The following CACHD1 variants were observed in gnomAD, a reference collection of about 807,000 sequenced individuals.
CACHD1 encodes the protein cache domain containing 1.
In CACHD1, 71 loss-of-function variants were observed where a neutral mutation model predicts 138.7. The observed-to-expected ratio is 0.51, with a 90% CI of 0.42 to 0.62. CACHD1 has a LOEUF of 0.62. Among genes scored for constraint, CACHD1 ranks in the 20% least tolerant of loss-of-function variants. The probability of loss-of-function intolerance (pLI) is 0.00; values close to 1 mark genes in which losing one functional copy is unlikely to be tolerated. For missense variants in CACHD1, 1,389 were observed against 1,625.3 expected (o/e 0.85, Z 2.50); for synonymous variants, 578 against 591.5 (o/e 0.98, Z 0.33).
intron 3 of CACHD1, among the ~76,000 whole-genome samples, chr1:64,587,824 A>G (rs1647062939): frequency 1.3e-5 from 2 of 152,322 alleles, no homozygotes; most frequent in South Asian, 4.2e-4. Context: ...ATGCATAATT[A>G]CACCTATGGA....
At chr1:64,666,004 C>CA (rs1649619640) in intron 15 of CACHD1, 53 bp from the exon 16 acceptor site, 115 of 1,115,496 alleles carry the variant, frequency 1.0e-4, no homozygotes, top group Non-Finnish European at 1.2e-4. Flanking sequence ...GACTCCATCT[C>CA]AAAAAAAATA....
intron 1 of CACHD1, among the ~76,000 whole-genome samples, chr1:64,500,734 A>AAG (rs5774705): frequency 3.5e-3 from 93 of 26,468 alleles, no homozygotes; most frequent in Middle Eastern, 0.019. Context: ...AAAAAAAAAA[A>AAG]AGAGAGAGAG....
intron 14 of CACHD1, 170 bp from the exon 15 acceptor site, chr1:64,664,327 CA>C (rs1649554056): frequency 1.6e-6 from 1 of 620,634 alleles, no homozygotes; most frequent in Non-Finnish European, 2.8e-6. Context: ...TGTATTTCTG[CA>C]AGCTTTTATT....
At chr1:64,480,413 C>T (rs151336929) in intron 1 of CACHD1, among the ~76,000 whole-genome samples, 13 of 151,626 alleles carry the variant, frequency 8.6e-5, no homozygotes, top group African/African-American at 2.7e-4. Flanking sequence ...AAAAAGAAAA[C>T]TTGACATAGT....
At chr1:64,617,521 A>G (rs185570417) in intron 4 of CACHD1, among the ~76,000 whole-genome samples, 197 of 152,304 alleles carry the variant, frequency 1.3e-3, no homozygotes, top group Non-Finnish European at 2.4e-3. Flanking sequence ...ACAAAGAGCT[A>G]TGAGCTCAGA....
At chr1:64,532,608 G>C (rs908070248) in intron 1 of CACHD1, among the ~76,000 whole-genome samples, 3 of 152,086 alleles carry the variant, frequency 2.0e-5, no homozygotes, top group Non-Finnish European at 4.4e-5. Flanking sequence ...TGAGGGGTGG[G>C]GAAAGAAAAG....
rs746053676 is a variant in CACHD1 at position 64,677,031 on chromosome 1, G to T, written c.3092+20G>T. On this transcript the variant is annotated intron_variant, in intron 22 of 26. Transcript: ENST00000651257. The stretch of plus-strand genomic sequence containing the variant: ...AAGTGGGTAAGCAGAATCTAGTAAA[G>T]AATTGAGGTTTTCCAGCTAATATTT... 1.3e-6 allele frequency: 2 copies of T among 1,555,048 alleles called. No homozygotes were observed. The highest frequency in any genetic ancestry group is 4.5e-5 in the East Asian group (2 of 44,446).
Position 64,470,973 on chromosome 1 carries a change from C to T in CACHD1, c.198+31C>T. 1 of 1,555,408 alleles carries T rather than the reference C, an allele frequency of 6.4e-7. No individual in the cohort carries two copies. The highest frequency in any genetic ancestry group is 2.3e-5 in the East Asian group (1 of 42,570). The stretch of plus-strand genomic sequence containing the variant: ...TGGCCCCCGAGCTGGCCAGACATCC[C>T]GCCTTTCTCCTTTGCTCAAACTCCC... On this transcript the variant is annotated intron_variant, in intron 1 of 26. Coordinates refer to ENST00000651257, the MANE Select transcript of CACHD1 (RefSeq NM_020925.4). The surrounding 1 kb of genome is among the most constrained non-coding windows in gnomAD (Gnocchi z 5.2).
intron 1 of CACHD1, among the ~76,000 whole-genome samples, 191 bp downstream of exon 1, chr1:64,471,133 G>A (rs1216720210): frequency 1.3e-5 from 2 of 152,060 alleles, no homozygotes; most frequent in Admixed American, 1.3e-4. Flanking sequence ...CCATGCATTC[G>A]TCTACCCCTG....
intron 2 of CACHD1, among the ~76,000 whole-genome samples, chr1:64,552,001 T>C (rs1227427901): frequency 6.6e-6 from 1 of 152,222 alleles, no homozygotes; most frequent in African/African-American, 2.4e-5. Flanking sequence ...CGAAGATTTC[T>C]GAACGAAGCA....
At chr1:64,487,337 C>G (rs1646249442) in intron 1 of CACHD1, among the ~76,000 whole-genome samples, 1 of 152,116 alleles carries the variant, frequency 6.6e-6, no homozygotes. Flanking sequence ...CACCTTTCTC[C>G]CCCCAGGCTT....
At chr1:64,605,120 C>T (rs1236803573) in intron 4 of CACHD1, among the ~76,000 whole-genome samples, 1 of 151,228 alleles carries the variant, frequency 6.6e-6, no homozygotes, top group East Asian at 2.0e-4. Flanking sequence ...ACACCCACCA[C>T]CGACCGGCTA....
chr1:64,649,103 C>A (rs907624736), intron 9 of CACHD1, among the ~76,000 whole-genome samples: 1 of 151,980 alleles, frequency 6.6e-6, no homozygotes, highest in African/African-American at 2.4e-5. Context: ...TTAAAACTCA[C>A]GTGTAAAAAG....
chr1:64,630,014 A>C (rs1648245567), intron 5 of CACHD1, among the ~76,000 whole-genome samples: 1 of 152,206 alleles, frequency 6.6e-6, no homozygotes, highest in South Asian at 2.1e-4. Flanking sequence ...TTGAGATTCT[A>C]CCATGTAGCC....
intron 3 of CACHD1, among the ~76,000 whole-genome samples, chr1:64,597,974 T>G (rs2100569389): frequency 6.6e-6 from 1 of 152,332 alleles, no homozygotes; most frequent in African/African-American, 2.4e-5. Flanking sequence ...TTTCTTTTTA[T>G]AAGTCACTTT....
intron 1 of CACHD1, among the ~76,000 whole-genome samples, chr1:64,498,060 G>T (rs1478122813): frequency 6.6e-6 from 1 of 152,226 alleles, no homozygotes; most frequent in East Asian, 1.9e-4. Context: ...CCAGGAGGCG[G>T]AGGTTGCAGT....
In CACHD1 at chr1:64,634,133, A is replaced by G; in HGVS notation, c.879A>G (p.Thr293=). The G allele has an allele frequency of 6.2e-7, 1 of 1,613,964 alleles. No homozygotes were observed. Among genetic ancestry groups the G allele is most frequent in the Non-Finnish European group, 8.5e-7 (1 of 1,179,974 alleles). ...KTFLSPATSE[T]KRKMSTFVSS... is the part of the protein sequence containing the mutation. ...TCTTGTCTCCAGCCACCAGTGAGAC[A>G]AAAAGGAAAATGTCCACCTTTGTTA... is the stretch of plus-strand genomic sequence containing the variant. The change falls in exon 7 of 27, where the codon ACA becomes ACG. Residue 293 remains threonine, a synonymous_variant. Coordinates refer to ENST00000651257, the MANE Select transcript of CACHD1 (RefSeq NM_020925.4).
At chr1:64,499,704 T>C (rs779130932) in intron 1 of CACHD1, among the ~76,000 whole-genome samples, 10 of 152,256 alleles carry the variant, frequency 6.6e-5, no homozygotes, top group Non-Finnish European at 8.8e-5. Context: ...TATATAATTG[T>C]AGATTTCTAC....
chr1:64,675,614 A>C, intron 20 of CACHD1, 53 bp downstream of exon 20: 1 of 1,547,644 alleles, frequency 6.5e-7, no homozygotes, highest in Non-Finnish European at 8.8e-7. Flanking sequence ...TAATATTTCA[A>C]CTGATGTCAG....
Sources: allele counts gnomAD v4.1 joint callset (sites outside exome capture counted in the v4.1 genomes callset), GRCh38; gene constraint gnomAD v4.1.1; non-coding constraint Gnocchi (gnomAD v3.1); transcripts MANE v1.5; gene names NCBI Gene and HGNC (gene_info 2026-07-23, HGNC 2026-07-21).